Variants in PTPRG observed in about 807,000 individuals in gnomAD.
PTPRG encodes the protein receptor-type tyrosine-protein phosphatase gamma.
PTPRG carries 102 observed loss-of-function variants against 165.3 expected under a neutral mutation model. That is an observed-to-expected ratio of 0.62 (90% CI 0.53 to 0.73). The LOEUF is 0.73. Among genes scored for constraint, PTPRG ranks in the 30% least tolerant of loss-of-function variants. The pLI is 0.00. For synonymous variants in PTPRG, 675 were observed against 669.5 expected (o/e 1.01, Z -0.13); for missense variants, 1,866 against 1,861.4 (o/e 1.00, Z -0.05).
intron 1 of PTPRG, among the ~76,000 whole-genome samples, chr3:61,658,036 T>C (rs1334523719): frequency 6.6e-6 from 1 of 152,146 alleles, no homozygotes; most frequent in East Asian, 1.9e-4. Context: ...ACACACTCCA[T>C]GAAAATGTTT....
intron 2 of PTPRG, among the ~76,000 whole-genome samples, chr3:61,831,508 C>A (rs1010767030): frequency 2.0e-5 from 3 of 152,100 alleles, no homozygotes; most frequent in East Asian, 1.9e-4. Flanking sequence ...CATGTTACTT[C>A]TCTTGCTTGA....
At chr3:62,218,630 C>T (rs1298674102) in intron 12 of PTPRG, among the ~76,000 whole-genome samples, 2 of 152,222 alleles carry the variant, frequency 1.3e-5, no homozygotes, top group Non-Finnish European at 2.9e-5. Flanking sequence ...ATCCATATAA[C>T]TGCCAATTAC....
intron 28 of PTPRG, among the ~76,000 whole-genome samples, chr3:62,286,029 C>T (rs535622953): frequency 3.9e-5 from 6 of 152,106 alleles, no homozygotes; most frequent in Non-Finnish European, 7.4e-5. Flanking sequence ...TAGGGCTAAT[C>T]GTATTTTAAC....
At chr3:61,881,842 A>C (rs1191676084) in intron 2 of PTPRG, among the ~76,000 whole-genome samples, 1 of 152,126 alleles carries the variant, frequency 6.6e-6, no homozygotes, top group Non-Finnish European at 1.5e-5. Context: ...GCTCTGATAT[A>C]CTTTGTAGAT....
chr3:62,053,145 T>C (rs118039472), intron 4 of PTPRG, among the ~76,000 whole-genome samples: 57 of 152,240 alleles, frequency 3.7e-4, no homozygotes, highest in African/African-American at 9.6e-4. Flanking sequence ...TTGACAGATA[T>C]ATGAGTGTCA....
chr3:61,565,697 A>G (rs1699895358), intron 1 of PTPRG, among the ~76,000 whole-genome samples: 2 of 150,026 alleles, frequency 1.3e-5, no homozygotes, highest in South Asian at 2.2e-4. Context: ...CATTATATCT[A>G]GGATGCTGCC....
chr3:62,277,558 A>T lies in PTPRG; in HGVS notation c.3644A>T (p.Tyr1215Phe). ...YINASYIMGY[Y>F]RSNEFIITQH... ...TTGTCTTCCCAACTGAAGGGCTATT[A>T]TAGGAGCAATGAATTTATTATAACT... Residue 1215 changes from tyrosine to phenylalanine, a missense_variant, in exon 26 of 30, where the codon TAT becomes TTT. Physicochemically the swap from Tyr to Phe is conservative, Grantham distance 22. Transcript: ENST00000474889. The T allele has an allele frequency of 6.2e-7, 1 of 1,610,858 alleles. No homozygotes were observed. The highest frequency in any genetic ancestry group is 8.5e-7 in the Non-Finnish European group (1 of 1,179,068).
At chr3:61,986,780 G>T (rs2040774468) in intron 2 of PTPRG, among the ~76,000 whole-genome samples, 1 of 152,178 alleles carries the variant, frequency 6.6e-6, no homozygotes, top group Non-Finnish European at 1.5e-5. Flanking sequence ...GAAAGAGTCA[G>T]TAAGAGGAAA....
intron 16 of PTPRG, among the ~76,000 whole-genome samples, chr3:62,260,123 G>A (rs1340312516): frequency 6.6e-6 from 1 of 152,160 alleles, no homozygotes; most frequent in Admixed American, 6.5e-5. Context: ...CACTGTACAT[G>A]CACTGGGTCA....
rs142825812 is a variant in PTPRG at position 62,185,754 on chromosome 3, C to T, written c.1034-5715C>T. The stretch of plus-strand genomic sequence containing the variant: ...CTGTGTGGGCCATAGAGTGTGTCCA[C>T]GTACTTGCCATTGGGCCTGAGGCCC... On this transcript the variant is annotated intron_variant, in intron 8 of 29. Coordinates refer to ENST00000474889, the MANE Select transcript of PTPRG (RefSeq NM_002841.4). 4.3e-3 allele frequency among the ~76,000 whole-genome samples: 650 copies of T among 152,330 alleles called. 2 individuals are homozygous for T. Among genetic ancestry groups the T allele is most frequent in the Non-Finnish European group, 7.0e-3 (478 of 68,038 alleles).
intron 1 of PTPRG, among the ~76,000 whole-genome samples, chr3:61,721,095 T>C (rs1386624968): frequency 6.6e-6 from 1 of 152,244 alleles, no homozygotes; most frequent in East Asian, 1.9e-4. Context: ...CCAAGCATAA[T>C]AAATTTGCAC....
intron 2 of PTPRG, among the ~76,000 whole-genome samples, chr3:61,814,219 TGAA>T (rs1293830583): frequency 6.6e-6 from 1 of 152,082 alleles, no homozygotes; most frequent in Non-Finnish European, 1.5e-5. Context: ...ATTTTTACAG[TGAA>T]GATATTGATG....
chr3:62,297,448 T>C lies in PTPRG; in HGVS notation c.*4141T>C, dbSNP rs1703100819. 1 of 151,130 alleles carries C rather than the reference T, an allele frequency of 6.6e-6. No homozygotes were observed. The highest frequency in any genetic ancestry group is 2.4e-5 in the African/African-American group (1 of 41,022). The allele number at this position is 151,130 out of a possible 1,614,324, so 9.4% of individuals were successfully genotyped here. A position where few individuals can be genotyped will look rare whatever the true frequency, so the allele number is the denominator to read the frequency against. Reference sequence around the variant, plus strand: ...CACATTGACCCATTTGGAAAAAGTGTGCTTTTTTTTTTTTTTTAAATTTGT... The same window carrying C: ...CACATTGACCCATTTGGAAAAAGTGCGCTTTTTTTTTTTTTTTAAATTTGT... On this transcript the variant is annotated 3_prime_UTR_variant, in exon 30 of 30. Coordinates refer to ENST00000474889, the MANE Select transcript of PTPRG (RefSeq NM_002841.4).
intron 1 of PTPRG, among the ~76,000 whole-genome samples, chr3:61,612,999 C>G (rs991425686): frequency 1.3e-5 from 2 of 152,120 alleles, no homozygotes; most frequent in Non-Finnish European, 2.9e-5. Flanking sequence ...CTGTGCTCAC[C>G]TTCGACGAGA....
intron 2 of PTPRG, among the ~76,000 whole-genome samples, chr3:61,860,434 C>CTTTTTTTTTT (rs766688465): frequency 7.3e-5 from 7 of 95,554 alleles, no homozygotes; most frequent in Non-Finnish European, 7.8e-5. Flanking sequence ...GTTTTTGTTC[C>CTTTTTTTTTT]TTTTTTTTTT....
intron 2 of PTPRG, among the ~76,000 whole-genome samples, chr3:61,866,041 G>A (rs562887055): frequency 7.2e-5 from 11 of 152,260 alleles, no homozygotes; most frequent in African/African-American, 2.4e-4. Context: ...AAGGGCCAGC[G>A]TGAGGATACT....
intron 2 of PTPRG, among the ~76,000 whole-genome samples, chr3:61,937,778 C>T (rs1204305837): frequency 2.0e-5 from 3 of 152,194 alleles, no homozygotes; most frequent in Non-Finnish European, 4.4e-5. Context: ...GTGCCACTTC[C>T]ACCTCCCAGC....
chr3:62,264,575 T>C (rs1227164923), intron 17 of PTPRG, among the ~76,000 whole-genome samples: 1 of 152,196 alleles, frequency 6.6e-6, no homozygotes, highest in Admixed American at 6.5e-5. Flanking sequence ...GCTTCTTTAA[T>C]TTAGCGCAAT....
chr3:61,970,539 T>A (rs1196720109), intron 2 of PTPRG, among the ~76,000 whole-genome samples: 1 of 152,196 alleles, frequency 6.6e-6, no homozygotes, highest in Non-Finnish European at 1.5e-5. Context: ...TTTTAGTTGT[T>A]AATATGCAAC....
Sources: gnomAD v4.1 joint callset for allele counts (sites outside exome capture counted in the v4.1 genomes callset) on GRCh38, gnomAD v4.1.1 for gene constraint, MANE v1.5 for transcripts, NCBI Gene and HGNC (gene_info 2026-07-23, HGNC 2026-07-21) for gene names.